GOLGA8O: variants seen among roughly 807,000 people sequenced by gnomAD.
The protein encoded by GOLGA8O is golgin subfamily A member 8O.
Under a neutral mutation model 29.7 loss-of-function variants are expected in GOLGA8O, and 4 were observed. That is an observed-to-expected ratio of 0.13 (90% CI 0.07 to 0.31). GOLGA8O has a LOEUF of 0.31. Among genes scored for constraint, GOLGA8O ranks in the 10% least tolerant of loss-of-function variants. The pLI is 1.00. For synonymous variants in GOLGA8O, 6 were observed against 78.0 expected, an observed-to-expected ratio of 0.08 and a Z score of 4.87; for missense variants, 32 against 216.5, an observed-to-expected ratio of 0.15 and a Z score of 5.35.
chr15:32,459,326 G>T (rs1427450318), upstream of GOLGA8O, among the ~76,000 whole-genome samples: 1 of 105,576 alleles, frequency 9.5e-6, no homozygotes, highest in Admixed American at 9.1e-5. Context: ...CAAATGATAA[G>T]CAACATAGAA....
At chr15:32,458,496 T>C (rs2055205260), upstream of GOLGA8O, among the ~76,000 whole-genome samples, 1 of 107,274 alleles carries the variant, frequency 9.3e-6, no homozygotes, top group Non-Finnish European at 2.0e-5. Flanking sequence ...CAGCCATCAT[T>C]TATGATTGCA....
chr15:32,450,550 C>CACACACACACA (rs1481837738), intron 8 of GOLGA8O, among the ~76,000 whole-genome samples: 3 of 139,048 alleles, frequency 2.2e-5, no homozygotes, highest in Admixed American at 7.2e-5. Flanking sequence ...CACACACACA[C>CACACACACACA]ATGCACGCGT....
At chr15:32,456,867 CTG>C (rs1306846687), upstream of GOLGA8O, among the ~76,000 whole-genome samples, 8 of 10,880 alleles carry the variant, frequency 7.4e-4, no homozygotes, top group African/African-American at 1.5e-3. Context: ...TTTCAAAAGA[CTG>C]AGATAATAAA....
Position 32,455,368 on chromosome 15 carries a change from G to T in GOLGA8O, c.48+121C>A. 2 of 433,338 alleles carry T rather than the reference G, an allele frequency of 4.6e-6. 1 individual carries two copies. Among genetic ancestry groups the T allele is most frequent in the Non-Finnish European group, 7.9e-6 (2 of 254,460 alleles). The allele number at this position is 433,338 out of a possible 1,614,324, so 26.8% of individuals were successfully genotyped here. A position where few individuals can be genotyped will look rare whatever the true frequency, so the allele number is the denominator to read the frequency against. On this transcript the variant is annotated intron_variant, in intron 1 of 18. Transcript: ENST00000509311. ...AAAACTTTGGTGGGGGTAGCCCAAG[G>T]CACCGGGGTTGGGGGGACCAGTCCA...
intron 5 of GOLGA8O, 63 bp downstream of exon 5, chr15:32,451,538 C>T (rs538190670): frequency 3.1e-6 from 5 of 1,596,562 alleles, no homozygotes; most frequent in South Asian, 1.1e-5. Flanking sequence ...GAGACTGGGG[C>T]CTGTATGTCT....
chr15:32,450,503 T>C (rs1269770387), intron 8 of GOLGA8O, among the ~76,000 whole-genome samples: 4 of 133,938 alleles, frequency 3.0e-5, no homozygotes, highest in South Asian at 2.8e-4. Context: ...GTTTTATGTA[T>C]ATTATCACAG....
At chr15:32,450,678 A>C (rs1389897591) in intron 8 of GOLGA8O, among the ~76,000 whole-genome samples, 2 of 152,246 alleles carry the variant, frequency 1.3e-5, no homozygotes, top group South Asian at 2.1e-4. Flanking sequence ...AGGGCGGGGC[A>C]GGCACTTGGC....
chr15:32,450,535 A>ACG (rs1372655951), intron 8 of GOLGA8O, among the ~76,000 whole-genome samples: 3 of 143,856 alleles, frequency 2.1e-5, no homozygotes, highest in Non-Finnish European at 4.6e-5. Flanking sequence ...ACACACACAC[A>ACG]CACACACACA....
chr15:32,450,957 C>T lies in GOLGA8O; in HGVS notation c.547G>A (p.Ala183Thr), dbSNP rs1429367025. The T allele has an allele frequency of 1.7e-5, 24 of 1,407,734 alleles. 1 individual carries two copies. In the Admixed American group the frequency reaches 2.3e-4, roughly 14 times the overall value. 87.2% of individuals were successfully genotyped at this position (1,407,734 alleles called of 1,614,324 possible). Residue 183 changes from alanine (A) to threonine (T), a missense_variant, in exon 8 of 19, where the codon GCT (alanine) becomes ACT (threonine). Transcript: ENST00000509311. ...SLQCKGELESALSAVIATEKK... is the reference protein window; with the variant it reads ...SLQCKGELESTLSAVIATEKK... ...TCTGTGGCGATGACAGCAGACAGAG[C>T]GCTCTCTAACTCTCCTTTACACTGC... is the stretch of plus-strand genomic sequence containing the variant.
rs2140319643 is a variant in GOLGA8O, at chr15:32,451,645, G to C, written c.310-6C>G. On this transcript the variant is annotated splice_polypyrimidine_tract_variant and splice_region_variant and intron_variant, in intron 4 of 18. Coordinates refer to ENST00000509311, the MANE Select transcript of GOLGA8O (RefSeq NM_001277308.1). ...ACTTGTTTCTTCTGTTGTTTCTGTGGGGAGAGTCAAATAAGGTGATGGAGG... is the reference window on the plus strand; with the variant it reads ...ACTTGTTTCTTCTGTTGTTTCTGTGCGGAGAGTCAAATAAGGTGATGGAGG... The C allele has an allele frequency of 6.4e-7, 1 of 1,559,180 alleles. No individual in the cohort carries two copies. The highest frequency in any genetic ancestry group is 2.3e-5 in the East Asian group (1 of 43,710).
chr15:32,446,546 C>T lies in GOLGA8O; in HGVS notation c.1296G>A (p.Leu432=). Residue 432 remains leucine, a synonymous_variant, in exon 15 of 19, where the codon CTG becomes CTA. Coordinates refer to ENST00000509311, the MANE Select transcript of GOLGA8O (RefSeq NM_001277308.1). ...GAGGTGCCTCCTCCCCCTCACTGTCCAGATGTTCTCCTCCGTGTCCTGTGG... is the reference window on the plus strand; with the variant it reads ...GAGGTGCCTCCTCCCCCTCACTGTCTAGATGTTCTCCTCCGTGTCCTGTGG... The part of the protein sequence containing the change: ...LPGEGHGGEH[L]DSEGEEAPRP... The T allele has an allele frequency of 6.3e-7, 1 of 1,581,198 alleles. No homozygotes were observed. Among genetic ancestry groups the T allele is most frequent in the South Asian group, 1.1e-5 (1 of 89,152 alleles).
chr15:32,450,908 CT>C lies in GOLGA8O; in HGVS notation c.591+4del. The C allele has an allele frequency of 8.5e-7, 1 of 1,175,088 alleles. No individual in the cohort carries two copies. The highest frequency in any genetic ancestry group is 1.7e-5 in the African/African-American group (1 of 60,526). The allele number at this position is 1,175,088 out of a possible 1,614,324, so 72.8% of individuals were successfully genotyped here. On this transcript the variant is annotated splice_donor_region_variant and intron_variant, in intron 8 of 18. Transcript: ENST00000509311. ...CCAGGGGATGGGGCAGGTGGCTGGA[CT>C]CACCTGGTTTGCCTTCTTCTTCTCT...
chr15:32,458,610 AATTTTTATTTATTTTT>A (rs1329022178), upstream of GOLGA8O, among the ~76,000 whole-genome samples: 3 of 98,572 alleles, frequency 3.0e-5, no homozygotes, highest in Admixed American at 1.9e-4. Context: ...ACTCCCAATC[AATTTTTATTTATTTTT>A]ATTTTTATTT....
Position 32,451,449 on chromosome 15 carries a change from C to A in GOLGA8O, c.349-111G>T, listed in dbSNP as rs529990732. The A allele has an allele frequency of 2.0e-4, 185 of 921,262 alleles. 6 individuals are homozygous for A. In the South Asian group the frequency reaches 2.5e-3, roughly 13 times the overall value. 57.1% of individuals were successfully genotyped at this position (921,262 alleles called of 1,614,324 possible). On this transcript the variant is annotated intron_variant, in intron 5 of 18. Transcript: ENST00000509311. ...CCCAGGACAGGCCCACCCATGGGACCAGGTTATCAGGGGCCCTGTGGGGAT... is the reference window on the plus strand; with the variant it reads ...CCCAGGACAGGCCCACCCATGGGACAAGGTTATCAGGGGCCCTGTGGGGAT...
Position 32,442,322 on chromosome 15 carries a change from A to AT in GOLGA8O, c.*2783dup, listed in dbSNP as rs1432378724. Among the ~76,000 whole-genome samples the AT allele has an allele frequency of 1.8e-5, 1 of 55,708 alleles. No individual in the cohort carries two copies. The highest frequency in any genetic ancestry group is 3.5e-5 in the Non-Finnish European group (1 of 28,616). The allele number at this position is 55,708 out of a possible 152,430, so 36.5% of individuals were successfully genotyped here. On this transcript the variant is annotated 3_prime_UTR_variant, in exon 19 of 19. Transcript: ENST00000509311. ...AAAATCAGCTTTGGTTTTAGAGCTGATTTTTTTTTTCATTTCTGGAAAATT... is the reference window on the plus strand; with the variant it reads ...AAAATCAGCTTTGGTTTTAGAGCTGATTTTTTTTTTTCATTTCTGGAAAATT...
upstream of GOLGA8O, among the ~76,000 whole-genome samples, chr15:32,456,793 ATAAT>A (rs1323942569): frequency 1.2e-4 from 1 of 8,682 alleles, no homozygotes; most frequent in East Asian, 3.5e-3. Context: ...AAAGGGGGAA[ATAAT>A]TAAGACCTAA....
Position 32,444,350 on chromosome 15 carries a change from GC to G in GOLGA8O, c.*755del, listed in dbSNP as rs2055059448. Among the ~76,000 whole-genome samples the G allele has an allele frequency of 8.2e-6, 1 of 122,260 alleles. No homozygotes were observed. The highest frequency in any genetic ancestry group is 1.8e-5 in the Non-Finnish European group (1 of 54,558). The allele number at this position is 122,260 out of a possible 152,430, so 80.2% of individuals were successfully genotyped here. A position where few individuals can be genotyped will look rare whatever the true frequency, so the allele number is the denominator to read the frequency against. ...AGCTCATGATGCAATATCTTCATGA[GC>G]CCAGAGCACATACAAATCCTAAGGG... On this transcript the variant is annotated 3_prime_UTR_variant, in exon 19 of 19. Transcript: ENST00000509311.
chr15:32,450,277 G>A (rs2055101973), intron 8 of GOLGA8O, among the ~76,000 whole-genome samples: 5 of 107,034 alleles, frequency 4.7e-5, no homozygotes, highest in Admixed American at 4.2e-4. Flanking sequence ...CACTTAGGCA[G>A]AGCTGGGATA....
At chr15:32,455,678 A>AG (rs2055184657), upstream of GOLGA8O, 2 of 512,944 alleles carry the variant, frequency 3.9e-6, no homozygotes, top group East Asian at 3.6e-5. Context: ...AATGCGGAAT[A>AG]GGGGCGTGGC....
Sources: gnomAD v4.1 joint callset for allele counts (sites outside exome capture counted in the v4.1 genomes callset) on GRCh38, gnomAD v4.1.1 for gene constraint, MANE v1.5 for transcripts, NCBI Gene and HGNC (gene_info 2026-07-23, HGNC 2026-07-21) for gene names.